The following DDX11 variants were observed in gnomAD, a reference collection of about 807,000 sequenced individuals.
DDX11 encodes the protein ATP-dependent DNA helicase DDX11.
A neutral mutation model predicts 125.2 loss-of-function variants in DDX11; 72 were observed. The observed-to-expected ratio is 0.58, with a 90% CI of 0.48 to 0.70. The LOEUF (loss-of-function observed/expected upper bound fraction) is 0.70, where lower values mean the gene tolerates loss of function less well. Ranked by LOEUF, DDX11 falls within the 30% of genes least tolerant of loss-of-function variation. DDX11 has a pLI of 0.00. For missense variants in DDX11, 883 were observed against 1,165.0 expected (o/e 0.76, Z 3.52); for synonymous variants, 347 against 452.6 (o/e 0.77, Z 2.96).
chr12:31,087,754 C>T (rs1213305813), intron 5 of DDX11, 184 bp from the exon 6 acceptor site: 109 of 979,290 alleles, frequency 1.1e-4, no homozygotes, highest in South Asian at 9.0e-4. Flanking sequence ...CAGACCTGAG[C>T]GGCCATGGGA....
At chr12:31,077,575 C>T (rs979277180) in intron 1 of DDX11, among the ~76,000 whole-genome samples, 22 of 151,806 alleles carry the variant, frequency 1.4e-4, no homozygotes, top group East Asian at 3.9e-4. Context: ...AGGCCGGGTG[C>T]GGTGGCTCAC....
Position 31,084,184 on chromosome 12 carries a change from T to C in DDX11, c.393+123T>C, listed in dbSNP as rs1942588967. 8 of 1,323,064 alleles carry C rather than the reference T, an allele frequency of 6.0e-6. No individual in the cohort carries two copies. In the Admixed American group the frequency reaches 1.4e-4, roughly 23 times the overall value. The allele number at this position is 1,323,064 out of a possible 1,614,324, so 82.0% of individuals were successfully genotyped here. The stretch of plus-strand genomic sequence containing the variant: ...CTGCCGTTGCCGTGCCTCTCAGCTC[T>C]TCCCTCAGCTCCTTGGGTCTATGGT... On this transcript the variant is annotated intron_variant, in intron 3 of 26. Coordinates refer to ENST00000542838, the MANE Select transcript of DDX11 (RefSeq NM_030653.4).
chr12:31,081,579 T>C (rs1476901853), intron 2 of DDX11, among the ~76,000 whole-genome samples: 1 of 151,668 alleles, frequency 6.6e-6, no homozygotes, highest in Middle Eastern at 3.4e-3. Flanking sequence ...TCGAATTGTA[T>C]GTTACATGTG....
In DDX11 at chr12:31,078,624, A is replaced by G. The variant is rs954788318; in HGVS notation, c.144+87A>G. The G allele has an allele frequency of 1.2e-5, 20 of 1,605,632 alleles. No homozygotes were observed. In the East Asian group the frequency reaches 3.8e-4, roughly 30 times the overall value. On this transcript the variant is annotated intron_variant, in intron 2 of 26. Transcript: ENST00000542838. Reference sequence around the variant, plus strand: ...CCTGTTTGCCTATCCAGAGATTTTCATAGTTTGAAGTTGGGCAGAGTAGTC... The same window carrying G: ...CCTGTTTGCCTATCCAGAGATTTTCGTAGTTTGAAGTTGGGCAGAGTAGTC...
intron 2 of DDX11, among the ~76,000 whole-genome samples, chr12:31,079,723 C>G (rs1344192144): frequency 6.6e-6 from 1 of 152,176 alleles, no homozygotes; most frequent in South Asian, 2.1e-4. Flanking sequence ...TCAAGCGATC[C>G]TCCCCTCTCA....
intron 9 of DDX11, 32 bp from the exon 10 acceptor site, chr12:31,091,687 C>T (rs1157197140): frequency 6.3e-7 from 1 of 1,583,952 alleles, no homozygotes; most frequent in South Asian, 1.1e-5. Flanking sequence ...GGGAGCCCCG[C>T]CCTGCTCAGG....
chr12:31,099,354 C>T (rs1055031471), intron 18 of DDX11, among the ~76,000 whole-genome samples: 5 of 152,004 alleles, frequency 3.3e-5, no homozygotes. Context: ...GCTGGGATTA[C>T]AGGCATGAGC....
chr12:31,086,325 A>G (rs1277714730), intron 5 of DDX11: 2 of 381,190 alleles, frequency 5.2e-6, no homozygotes, highest in East Asian at 1.4e-4. Flanking sequence ...CAGGGCAGGA[A>G]CCACGTCTTT....
At chr12:31,088,262 T>C (rs947207339) in intron 6 of DDX11, among the ~76,000 whole-genome samples, 21 of 151,656 alleles carry the variant, frequency 1.4e-4, no homozygotes, top group Non-Finnish European at 7.4e-5. Flanking sequence ...AGGAGACCTC[T>C]CTTGAGTTTG....
intron 1 of DDX11, chr12:31,077,166 A>G (rs1247677773): frequency 6.6e-6 from 1 of 151,878 alleles, no homozygotes; most frequent in East Asian, 1.9e-4. Flanking sequence ...CCTGGCAAAG[A>G]GCTTGGAGAA....
Position 31,084,687 on chromosome 12 carries a change from G to A in DDX11, c.480+18G>A, listed in dbSNP as rs553399358. 1.4e-5 allele frequency: 22 copies of A among 1,570,508 alleles called. No individual in the cohort carries two copies. The highest frequency in any genetic ancestry group is 3.6e-5 in the Admixed American group (2 of 55,876). ...AGCGCCTGGTGAGCCTCATTTCTTG[G>A]GGGGCAGGATTATGTCCAGGCAGGG... On this transcript the variant is annotated intron_variant, in intron 4 of 26. Coordinates refer to ENST00000542838, the MANE Select transcript of DDX11 (RefSeq NM_030653.4).
chr12:31,092,739 G>T (rs1944453218), intron 10 of DDX11, 107 bp from the exon 11 acceptor site: 5 of 1,197,636 alleles, frequency 4.2e-6, no homozygotes, highest in Non-Finnish European at 6.1e-6. Flanking sequence ...TCCTCCCTTT[G>T]GTGGCTTCCT....
intron 8 of DDX11, 116 bp from the exon 9 acceptor site, chr12:31,089,770 G>A (rs1943862737): frequency 2.0e-6 from 3 of 1,532,628 alleles, no homozygotes; most frequent in South Asian, 1.2e-5. Context: ...TACTTGGGAG[G>A]GTCTTATAGA....
intron 2 of DDX11, among the ~76,000 whole-genome samples, chr12:31,081,646 ATGCT>A (rs1294583504): frequency 1.3e-4 from 19 of 151,352 alleles, no homozygotes; most frequent in Admixed American, 1.3e-3. Flanking sequence ...TCTGAGCCCC[ATGCT>A]TGCTGCAACC....
In DDX11 at chr12:31,094,807, C is replaced by T. The variant is rs1251430957; in HGVS notation, c.1467C>T (p.Asn489=). 5 of 1,612,852 alleles carry T rather than the reference C, an allele frequency of 3.1e-6. No individual in the cohort carries two copies. The African/African-American group carries it at 6.7e-5, about 22-fold the overall frequency. Residue 489 remains asparagine (N), a synonymous_variant, in exon 14 of 27, where the codon AAC becomes AAT. Transcript: ENST00000542838. ...TTCTCTTCCAGAGCCAGATCGACAA[C>T]ATCAACCTGTTCAAGGTAGAGGTTT... ...NDFLFQSQID[N]INLFKVQRYC...
At position 31,093,636 on chromosome 12, in the gene DDX11, G is replaced by T. The variant is rs186865874; in HGVS notation, c.1369+312G>T. On this transcript the variant is annotated intron_variant, in intron 12 of 26. Transcript: ENST00000542838. ...AGAGGCTGAGACAAGAGAATTGCTT[G>T]CTCAAACCCGGGAGGCGGAGGTTGC... The T allele has an allele frequency of 1.5e-4, 56 of 370,548 alleles. 1 individual carries two copies. The highest frequency in any genetic ancestry group is 1.2e-3 in the African/African-American group (55 of 44,878). The allele number at this position is 370,548 out of a possible 1,614,324, so 23.0% of individuals were successfully genotyped here.
rs751326509 is a variant in DDX11, at chr12:31,089,236, G to A, written c.792+85G>A. The A allele has an allele frequency of 1.5e-5, 21 of 1,409,066 alleles. No individual in the cohort carries two copies. In the Admixed American group the frequency reaches 1.6e-4, roughly 11 times the overall value. The allele number at this position is 1,409,066 out of a possible 1,614,324, so 87.3% of individuals were successfully genotyped here. The stretch of plus-strand genomic sequence containing the variant: ...CCTGCTCGTCCAGGCCTTGGGAGAC[G>A]CTGGGTCTGTGACAGGCTGAACCGT... On this transcript the variant is annotated intron_variant, in intron 7 of 26. Coordinates refer to ENST00000542838, the MANE Select transcript of DDX11 (RefSeq NM_030653.4).
rs1946770985 is a variant in DDX11, at chr12:31,103,507, G to T, written c.2537-70G>T. 55 of 1,610,786 alleles carry T rather than the reference G, an allele frequency of 3.4e-5. No individual in the cohort carries two copies. In the South Asian group the frequency reaches 5.8e-4, roughly 17 times the overall value. On this transcript the variant is annotated intron_variant, in intron 25 of 26. Coordinates refer to ENST00000542838, the MANE Select transcript of DDX11 (RefSeq NM_030653.4). Reference sequence around the variant, plus strand: ...ATATAAGTCTGAGGAAGGGGAGGGGGTCGCCGTGGGAATGTGCTGTAGGGG... The same window carrying T: ...ATATAAGTCTGAGGAAGGGGAGGGGTTCGCCGTGGGAATGTGCTGTAGGGG...
At chr12:31,081,791 T>G (rs1941992711) in intron 2 of DDX11, among the ~76,000 whole-genome samples, 1 of 104,560 alleles carries the variant, frequency 9.6e-6, no homozygotes. Context: ...TTTGTGGTCT[T>G]ATTACACGAT....
Sources: allele counts gnomAD v4.1 joint callset (sites outside exome capture counted in the v4.1 genomes callset), GRCh38; gene constraint gnomAD v4.1.1; transcripts MANE v1.5; gene names NCBI Gene and HGNC (gene_info 2026-07-23, HGNC 2026-07-21).